Variants in EVC observed in about 807,000 individuals in gnomAD.
EVC encodes the protein evC complex member EVC.
Under a neutral mutation model 118.9 loss-of-function variants are expected in EVC, and 116 were observed. The ratio of observed to expected loss-of-function variants is 0.98; its 90% CI spans 0.84 to 1.14. The LOEUF (loss-of-function observed/expected upper bound fraction) is 1.14. Ranked by LOEUF, EVC falls within the 50% of genes most tolerant of loss-of-function variation. The probability of loss-of-function intolerance (pLI) is 0.00; values close to 1 mark genes in which losing one functional copy is unlikely to be tolerated. For missense variants in EVC, 1,401 were observed against 1,246.4 expected (o/e 1.12, Z -1.87); for synonymous variants, 619 against 534.7 (o/e 1.16, Z -2.18).
At chr4:5,747,038 C>A (rs4491963) in intron 7 of EVC, among the ~76,000 whole-genome samples, 5 of 151,814 alleles carry the variant, frequency 3.3e-5, no homozygotes, top group African/African-American at 9.7e-5. Flanking sequence ...GGGTGAGAGC[C>A]TGAGGGTGTC....
At chr4:5,765,552 G>T (rs1235693696) in intron 11 of EVC, among the ~76,000 whole-genome samples, 1 of 119,010 alleles carries the variant, frequency 8.4e-6, no homozygotes, top group Non-Finnish European at 1.8e-5. Context: ...CTCTTTGGAG[G>T]TTACTCAGGA....
Position 5,746,379 on chromosome 4 carries a change from A to G in EVC, c.939+1038A>G, listed in dbSNP as rs1729350484. ...GTGAGAGAAGCTGTGGTGGTCTACC[A>G]TGGGGCGGCAGGTGGGGAGGAGGAG... On this transcript the variant is annotated intron_variant, in intron 7 of 20. Coordinates refer to ENST00000264956, the MANE Select transcript of EVC (RefSeq NM_153717.3). The surrounding 1 kb of genome is among the most constrained non-coding windows in gnomAD (Gnocchi z 5.8). 6.8e-6 allele frequency among the ~76,000 whole-genome samples: 1 copy of G among 146,572 alleles called. No homozygotes were observed. Among genetic ancestry groups the G allele is most frequent in the Admixed American group, 6.8e-5 (1 of 14,774 alleles).
In EVC at chr4:5,758,067, G is replaced by T. The variant is rs1280005315; in HGVS notation, c.1563+1705G>T. On this transcript the variant is annotated intron_variant, in intron 11 of 20. Transcript: ENST00000264956. ...CGGGTGGGCCCTAATTCTAATGGCTGGTGTCCTTATAAGAAGGCCATGAGA... is the reference window on the plus strand; with the variant it reads ...CGGGTGGGCCCTAATTCTAATGGCTTGTGTCCTTATAAGAAGGCCATGAGA... 5 of 702,280 alleles carry T rather than the reference G, an allele frequency of 7.1e-6. No homozygotes were observed. The Admixed American group carries it at 1.0e-4, about 14-fold the overall frequency. The allele number at this position is 702,280 out of a possible 1,614,324, so 43.5% of individuals were successfully genotyped here. A position where few individuals can be genotyped will look rare whatever the true frequency, so the allele number is the denominator to read the frequency against.
chr4:5,748,742 A>G (rs1218112827), intron 8 of EVC, among the ~76,000 whole-genome samples: 1 of 63,324 alleles, frequency 1.6e-5, no homozygotes, highest in South Asian at 5.0e-4. Context: ...CCATCAATCC[A>G]CCCATCCATC....
intron 8 of EVC, among the ~76,000 whole-genome samples, chr4:5,748,883 A>C (rs750821206): frequency 2.2e-4 from 21 of 94,728 alleles, no homozygotes; most frequent in Non-Finnish European, 4.5e-4. Flanking sequence ...CTGAAATTAC[A>C]CATTGAAATT....
chr4:5,784,320 G>T (rs1224120455), intron 12 of EVC, among the ~76,000 whole-genome samples: 1 of 152,214 alleles, frequency 6.6e-6, no homozygotes, highest in Non-Finnish European at 1.5e-5. Flanking sequence ...GCAGAAGGGT[G>T]GGAGTCAGAG....
rs1731098815 is a variant in EVC, at chr4:5,755,911, C to G, written c.1465-353C>G. ...CCTCCAATCGCCAGTCTGTGTCACC[C>G]CTGCTGGGTTCCCATCAGTGGGTCT... On this transcript the variant is annotated intron_variant, in intron 10 of 20. Coordinates refer to ENST00000264956, the MANE Select transcript of EVC (RefSeq NM_153717.3). The surrounding 1 kb of genome is among the most constrained non-coding windows in gnomAD (Gnocchi z 4.1). 1.3e-5 allele frequency among the ~76,000 whole-genome samples: 2 copies of G among 152,142 alleles called. No homozygotes were observed. Among genetic ancestry groups the G allele is most frequent in the African/African-American group, 4.8e-5 (2 of 41,416 alleles).
At chr4:5,727,730 T>A (rs1442922241) in intron 2 of EVC, among the ~76,000 whole-genome samples, 1 of 151,810 alleles carries the variant, frequency 6.6e-6, no homozygotes, top group Non-Finnish European at 1.5e-5. Context: ...TCTTTAATCC[T>A]TTTTGAATTG....
At chr4:5,810,501 C>G in intron 20 of EVC, 51 bp downstream of exon 20, 1 of 1,404,420 alleles carries the variant, frequency 7.1e-7, no homozygotes, top group Non-Finnish European at 9.9e-7. Context: ...GGTAAATGCA[C>G]TCAGCTGCTG....
chr4:5,813,226 A>G lies in EVC; in HGVS notation c.*2189A>G, dbSNP rs1300864784. The G allele has an allele frequency of 6.6e-6, 1 of 152,200 alleles. No individual in the cohort carries two copies. The highest frequency in any genetic ancestry group is 1.5e-5 in the Non-Finnish European group (1 of 68,030). The allele number at this position is 152,200 out of a possible 1,614,324, so 9.4% of individuals were successfully genotyped here. On this transcript the variant is annotated 3_prime_UTR_variant, in exon 21 of 21. Transcript: ENST00000264956. ...GCAATATTCTTAAAACCTGCTTTGC[A>G]TAGAAATCACTTTTGCCCAGGCTGG...
chr4:5,729,170 A>G (rs1726375026), intron 2 of EVC, 137 bp from the exon 3 acceptor site: 3 of 777,104 alleles, frequency 3.9e-6, no homozygotes, highest in Admixed American at 1.9e-5. Context: ...AAGAGCTAAT[A>G]TGAATCTAAA....
In EVC at chr4:5,760,677, C is replaced by T. The variant is rs770874654; in HGVS notation, c.1563+4315C>T. On this transcript the variant is annotated intron_variant, in intron 11 of 20. Transcript: ENST00000264956. Reference sequence around the variant, plus strand: ...CAGAGATTCTTCTGCCTCAGCCTCCCGAGTGGCTGGAATTACAGGCATGTG... The same window carrying T: ...CAGAGATTCTTCTGCCTCAGCCTCCTGAGTGGCTGGAATTACAGGCATGTG... Among the ~76,000 whole-genome samples the T allele has an allele frequency of 1.4e-4, 22 of 152,228 alleles. 1 individual carries two copies. The East Asian group carries it at 1.5e-3, about 11-fold the overall frequency.
At chr4:5,747,610 C>T (rs1729565635) in intron 7 of EVC, among the ~76,000 whole-genome samples, 1 of 152,178 alleles carries the variant, frequency 6.6e-6, no homozygotes, top group Admixed American at 6.5e-5. Context: ...GCATTCTAAG[C>T]CACTTGGGAA....
intron 11 of EVC, chr4:5,758,298 G>T: frequency 1.8e-6 from 1 of 566,636 alleles, no homozygotes; most frequent in Non-Finnish European, 3.1e-6. Flanking sequence ...AATAAACTTC[G>T]TTGTCTTAAT....
intron 12 of EVC, among the ~76,000 whole-genome samples, chr4:5,788,939 G>C (rs569583753): frequency 1.3e-5 from 2 of 152,266 alleles, no homozygotes; most frequent in Admixed American, 1.3e-4. Flanking sequence ...TGCATTCTGT[G>C]TGTGGCCCAA....
chr4:5,751,397 C>T (rs1277004926), intron 8 of EVC, among the ~76,000 whole-genome samples: 2 of 152,236 alleles, frequency 1.3e-5, no homozygotes, highest in African/African-American at 4.8e-5. Context: ...ATCCAGCCAG[C>T]CTGTGTTGGG....
chr4:5,825,782 ACACACACAACACG>A, the EVC span: 2 of 864,352 alleles, frequency 2.3e-6, no homozygotes, highest in Non-Finnish European at 3.6e-6. The surrounding 1 kb of genome is among the most constrained non-coding windows in gnomAD (Gnocchi z 4.4). Flanking sequence ...GCATGCACAC[ACACACACAACACG>A]CACACACGAC....
intron 11 of EVC, among the ~76,000 whole-genome samples, chr4:5,761,398 G>A (rs983032617): frequency 2.0e-5 from 3 of 151,742 alleles, no homozygotes; most frequent in Admixed American, 6.6e-5. Context: ...GAGCCAGCTC[G>A]AGGGTGCACC....
chr4:5,828,259 A>G, the EVC span: 41 of 984,878 alleles, frequency 4.2e-5, no homozygotes, highest in Admixed American at 2.4e-3. Context: ...ACGGGTGCAC[A>G]CCCCTCTACA....
Sources: allele counts gnomAD v4.1 joint callset (sites outside exome capture counted in the v4.1 genomes callset), GRCh38; gene constraint gnomAD v4.1.1; non-coding constraint Gnocchi (gnomAD v3.1); transcripts MANE v1.5; gene names NCBI Gene and HGNC (gene_info 2026-07-23, HGNC 2026-07-21).